The following RETREG1 variants were observed in gnomAD, a reference collection of about 807,000 sequenced individuals.
RETREG1 encodes reticulophagy regulator 1, also known as family with sequence similarity 134 member B.
In RETREG1, 44 loss-of-function variants were observed where a neutral mutation model predicts 54.8. The observed-to-expected ratio is 0.80, with a 90% confidence interval of 0.63 to 1.03. The LOEUF (loss-of-function observed/expected upper bound fraction) is 1.03, where lower values mean the gene tolerates loss of function less well. Among genes scored for constraint, RETREG1 ranks in the 50% least tolerant of loss-of-function variants. RETREG1 has a pLI of 0.00. For missense variants in RETREG1, 554 were observed against 605.1 expected (o/e 0.92, Z 0.89); for synonymous variants, 217 against 238.5 (o/e 0.91, Z 0.83).
At chr5:16,552,595 T>G (rs1741574484) in intron 3 of RETREG1, among the ~76,000 whole-genome samples, 2 of 152,232 alleles carry the variant, frequency 1.3e-5, no homozygotes, top group South Asian at 4.1e-4. Flanking sequence ...GTCATTCATT[T>G]GTGAATTTCC....
chr5:16,502,186 C>T (rs548932994), intron 3 of RETREG1, among the ~76,000 whole-genome samples: 25 of 151,420 alleles, frequency 1.7e-4, no homozygotes, highest in Non-Finnish European at 3.1e-4. Context: ...TCTCGATCTC[C>T]TGATCTCGTG....
At chr5:16,500,196 A>G (rs998163832) in intron 3 of RETREG1, among the ~76,000 whole-genome samples, 107 of 152,260 alleles carry the variant, frequency 7.0e-4, no homozygotes, top group Non-Finnish European at 1.9e-4. Context: ...TCTCCCAGGG[A>G]CAGCTGGAAC....
intron 1 of RETREG1, among the ~76,000 whole-genome samples, chr5:16,586,231 T>A (rs561837670): frequency 6.6e-6 from 1 of 152,230 alleles, no homozygotes; most frequent in Admixed American, 6.5e-5. Context: ...TGGGTTTTTA[T>A]GCAAATGGAA....
chr5:16,584,304 T>A (rs1742570145), intron 1 of RETREG1, among the ~76,000 whole-genome samples: 1 of 152,110 alleles, frequency 6.6e-6, no homozygotes, highest in African/African-American at 2.4e-5. Context: ...AAATTAAGAT[T>A]TTACACAGAA....
At chr5:16,490,505 TA>T (rs1282040781) in intron 3 of RETREG1, among the ~76,000 whole-genome samples, 1 of 152,140 alleles carries the variant, frequency 6.6e-6, no homozygotes, top group African/African-American at 2.4e-5. Flanking sequence ...ACAGGCACCA[TA>T]AAAAAGAATA....
At chr5:16,568,803 G>T (rs1333458507) in intron 2 of RETREG1, among the ~76,000 whole-genome samples, 1 of 152,076 alleles carries the variant, frequency 6.6e-6, no homozygotes, top group Non-Finnish European at 1.5e-5. Context: ...AAACAATACT[G>T]TACACTTAAA....
At chr5:16,537,339 C>G (rs1354175057) in intron 3 of RETREG1, among the ~76,000 whole-genome samples, 1 of 152,220 alleles carries the variant, frequency 6.6e-6, no homozygotes, top group East Asian at 1.9e-4. Flanking sequence ...ACCCTGAGAA[C>G]AACTCCTCTC....
intron 3 of RETREG1, among the ~76,000 whole-genome samples, chr5:16,559,344 G>C (rs1741794239): frequency 6.6e-6 from 1 of 152,158 alleles, no homozygotes; most frequent in Admixed American, 6.5e-5. Context: ...GCTGGCTCTG[G>C]AAAGACTGAC....
intron 2 of RETREG1, among the ~76,000 whole-genome samples, chr5:16,568,899 G>A (rs1430540585): frequency 3.3e-5 from 5 of 152,186 alleles, no homozygotes; most frequent in Non-Finnish European, 5.9e-5. Flanking sequence ...TATTTTTAGC[G>A]AGAAAACGTG....
chr5:16,570,983 G>A (rs1368313823), intron 2 of RETREG1, among the ~76,000 whole-genome samples: 1 of 152,122 alleles, frequency 6.6e-6, no homozygotes, highest in Admixed American at 6.5e-5. Flanking sequence ...TGGAATCTTG[G>A]GAAGGAAATA....
chr5:16,509,107 C>A, intron 3 of RETREG1: 1 of 765,418 alleles, frequency 1.3e-6, no homozygotes, highest in Non-Finnish European at 1.6e-6. Flanking sequence ...GAGGTTGAAA[C>A]ATCACCCTGG....
intron 1 of RETREG1, among the ~76,000 whole-genome samples, chr5:16,605,105 T>A (rs1245059075): frequency 1.3e-5 from 2 of 152,040 alleles, no homozygotes. Flanking sequence ...CAAACATAAA[T>A]AAAACAAAAC....
chr5:16,508,836 G>A, intron 3 of RETREG1: 1 of 1,425,670 alleles, frequency 7.0e-7, no homozygotes, highest in Non-Finnish European at 9.2e-7. Flanking sequence ...AATGAAGCTA[G>A]GAGCTGGGTT....
chr5:16,485,677 C>G (rs1738986791), intron 3 of RETREG1, among the ~76,000 whole-genome samples: 1 of 152,120 alleles, frequency 6.6e-6, no homozygotes, highest in Non-Finnish European at 1.5e-5. Context: ...AGAACAAAGA[C>G]TTCATATAAC....
chr5:16,609,554 GAGGA>G (rs1324090560), intron 1 of RETREG1, among the ~76,000 whole-genome samples: 5 of 152,164 alleles, frequency 3.3e-5, no homozygotes, highest in African/African-American at 1.2e-4. Context: ...CGCCATCCAG[GAGGA>G]AGGGAGAGAG....
chr5:16,592,556 C>T (rs1561132807), intron 1 of RETREG1, among the ~76,000 whole-genome samples: 1 of 152,064 alleles, frequency 6.6e-6, no homozygotes, highest in Non-Finnish European at 1.5e-5. Context: ...TGAATACATA[C>T]CAAAAGGAAT....
chr5:16,480,364 C>A (rs1436569093), intron 5 of RETREG1, among the ~76,000 whole-genome samples: 1 of 152,058 alleles, frequency 6.6e-6, no homozygotes, highest in Non-Finnish European at 1.5e-5. Context: ...AGTTTGCTTA[C>A]CCATTCCTCC....
intron 5 of RETREG1, among the ~76,000 whole-genome samples, chr5:16,480,671 G>T (rs776834582): frequency 6.6e-6 from 1 of 152,036 alleles, no homozygotes; most frequent in African/African-American, 2.4e-5. Context: ...TTTCATTGTG[G>T]TTTTAATTAT....
At position 16,616,843 on chromosome 5, in the gene RETREG1, T is replaced by TTCC; in HGVS notation, c.126_128dup (p.Glu43dup). 6.6e-7 allele frequency: 1 copy of TTCC among 1,512,676 alleles called. No homozygotes were observed. The highest frequency in any genetic ancestry group is 8.8e-7 in the Non-Finnish European group (1 of 1,138,134). 93.7% of individuals were successfully genotyped at this position (1,512,676 alleles called of 1,614,324 possible). A position where few individuals can be genotyped will look rare whatever the true frequency, so the allele number is the denominator to read the frequency against. On this transcript the variant is annotated inframe_insertion, in exon 1 of 9. Transcript: ENST00000306320. Reference sequence around the variant, plus strand: ...CCTCCGCCGCCCCAGCTTCCTGCGCTTCCTCCTCCTGCTGCTGCCGCTCTG... The same window carrying TTCC: ...CCTCCGCCGCCCCAGCTTCCTGCGCTTCCTCCTCCTCCTGCTGCTGCCGCTCTG...
Sources: allele counts gnomAD v4.1 joint callset (sites outside exome capture counted in the v4.1 genomes callset), GRCh38; gene constraint gnomAD v4.1.1; transcripts MANE v1.5; gene names NCBI Gene and HGNC (gene_info 2026-07-23, HGNC 2026-07-21).